Variants in PAQR3 observed in about 807,000 individuals in gnomAD.
The protein encoded by PAQR3 is Raf kinase trapping to Golgi.
A neutral mutation model predicts 41.7 loss-of-function variants in PAQR3; 39 were observed. That is an observed-to-expected ratio of 0.93 (90% CI 0.72 to 1.22). PAQR3 has a LOEUF of 1.22. Ranked by LOEUF, PAQR3 falls within the 50% of genes most tolerant of loss-of-function variation. PAQR3 has a pLI of 0.00. For synonymous variants in PAQR3, 140 were observed against 140.6 expected (o/e 1.00, Z 0.03); for missense variants, 366 against 385.6 (o/e 0.95, Z 0.42).
At chr4:78,922,603 A>T (rs1289507145) in intron 5 of PAQR3, among the ~76,000 whole-genome samples, 1 of 151,944 alleles carries the variant, frequency 6.6e-6, no homozygotes, top group Non-Finnish European at 1.5e-5. Flanking sequence ...TATTTCACTT[A>T]TAAGACCAGG....
chr4:78,919,185 T>G lies in PAQR3; in HGVS notation c.*1354A>C, dbSNP rs1160055100. 2.0e-6 allele frequency: 2 copies of G among 985,006 alleles called. No homozygotes were observed. The highest frequency in any genetic ancestry group is 3.5e-5 in the African/African-American group (2 of 57,190). The allele number at this position is 985,006 out of a possible 1,614,324, so 61.0% of individuals were successfully genotyped here. ...ACAAAAGGCATTTTGGGAATAAGCT[T>G]CATCATCAATTAACATTTTTTCTGA... On this transcript the variant is annotated 3_prime_UTR_variant, in exon 6 of 6. Transcript: ENST00000512733.
At chr4:78,902,533 A>G (rs1196418688) in intron 11 of PAQR3, among the ~76,000 whole-genome samples, 3 of 152,098 alleles carry the variant, frequency 2.0e-5, no homozygotes, top group Non-Finnish European at 2.9e-5. Context: ...TGCCAATTCA[A>G]AGTGAACTTT....
At chr4:78,903,392 TG>T (rs913285228) in intron 11 of PAQR3, among the ~76,000 whole-genome samples, 3 of 152,006 alleles carry the variant, frequency 2.0e-5, no homozygotes, top group Non-Finnish European at 2.9e-5. Context: ...TCTTGAAGTC[TG>T]GTATTGTCTT....
intron 1 of PAQR3, among the ~76,000 whole-genome samples, chr4:78,936,636 C>G (rs959746865): frequency 1.3e-5 from 2 of 152,182 alleles, no homozygotes; most frequent in Non-Finnish European, 2.9e-5. Flanking sequence ...TTATCATGTA[C>G]AAGCATCAAG....
intron 11 of PAQR3, among the ~76,000 whole-genome samples, chr4:78,903,221 C>G (rs978947401): frequency 6.6e-6 from 1 of 151,808 alleles, no homozygotes; most frequent in Non-Finnish European, 1.5e-5. Context: ...TGGGCAAATT[C>G]ATGTTCTTGT....
downstream of PAQR3, chr4:78,910,849 G>T: frequency 6.2e-7 from 1 of 1,613,956 alleles, no homozygotes; most frequent in Non-Finnish European, 8.5e-7. Flanking sequence ...TCTTCAGGGG[G>T]AACAAGGAGA....
chr4:78,920,857 T>C (rs1300929778), intron 5 of PAQR3, among the ~76,000 whole-genome samples, 176 bp from the exon 6 acceptor site: 2 of 151,946 alleles, frequency 1.3e-5, no homozygotes, highest in Non-Finnish European at 2.9e-5. Context: ...TTGGGTCTAA[T>C]TTTAAGGTTT....
chr4:78,916,962 T>TAAC lies in PAQR3; in HGVS notation c.*3574_*3576dup, dbSNP rs1404589639. 6.6e-6 allele frequency: 1 copy of TAAC among 151,726 alleles called. No homozygotes were observed. Among genetic ancestry groups the TAAC allele is most frequent in the East Asian group, 1.9e-4 (1 of 5,160 alleles). 9.4% of individuals were successfully genotyped at this position (151,726 alleles called of 1,614,324 possible). On this transcript the variant is annotated 3_prime_UTR_variant, in exon 6 of 6. Transcript: ENST00000512733. ...TATGAATTAACTTTTTCTGAAGTTG[T>TAAC]AACATTTATCTAAAGTTATGTGAAA...
At chr4:78,904,747 T>TAA (rs1468004385) in intron 11 of PAQR3, among the ~76,000 whole-genome samples, 1 of 151,954 alleles carries the variant, frequency 6.6e-6, no homozygotes, top group African/African-American at 2.4e-5. Flanking sequence ...TCCAAGTTCT[T>TAA]TTGTTAAGTA....
chr4:78,939,288 G>T lies in PAQR3; in HGVS notation c.-64C>A. ...CCCAGGTCCCGCCTCCCCGGGGAGG[G>T]GGCTTCGCCGCTGGCGCCCCCGCCC... On this transcript the variant is annotated 5_prime_UTR_variant, in exon 1 of 6. Coordinates refer to ENST00000512733, the MANE Select transcript of PAQR3 (RefSeq NM_001040202.2). 15 of 1,462,106 alleles carry T rather than the reference G, an allele frequency of 1.0e-5. No individual in the cohort carries two copies. Among genetic ancestry groups the T allele is most frequent in the Non-Finnish European group, 1.4e-5 (15 of 1,100,968 alleles). 90.6% of individuals were successfully genotyped at this position (1,462,106 alleles called of 1,614,324 possible). A position where few individuals can be genotyped will look rare whatever the true frequency, so the allele number is the denominator to read the frequency against.
At chr4:78,901,807 G>C (rs1192481018) in intron 11 of PAQR3, among the ~76,000 whole-genome samples, 1 of 152,150 alleles carries the variant, frequency 6.6e-6, no homozygotes, top group Non-Finnish European at 1.5e-5. Flanking sequence ...AAGAGTTTTA[G>C]TGACATGTAG....
In PAQR3 at chr4:78,922,262, A is replaced by G. The variant is rs1735730485; in HGVS notation, c.794-1581T>C. The G allele has an allele frequency of 8.9e-6, 11 of 1,239,968 alleles. No homozygotes were observed. The South Asian group carries it at 1.5e-4, about 17-fold the overall frequency. The allele number at this position is 1,239,968 out of a possible 1,614,324, so 76.8% of individuals were successfully genotyped here. A position where few individuals can be genotyped will look rare whatever the true frequency, so the allele number is the denominator to read the frequency against. The stretch of plus-strand genomic sequence containing the variant: ...AACGCAGGTTTTCCCTTGTATTTCC[A>G]TTCTTATTTAAAGCTCAGTGGTGAA... On this transcript the variant is annotated intron_variant, in intron 5 of 5. Coordinates refer to ENST00000512733, the MANE Select transcript of PAQR3 (RefSeq NM_001040202.2).
At chr4:78,935,742 T>C (rs556847093) in intron 1 of PAQR3, among the ~76,000 whole-genome samples, 1 of 152,234 alleles carries the variant, frequency 6.6e-6, no homozygotes. Context: ...ACCTGCTCAG[T>C]GCAAGGTTAG....
intron 1 of PAQR3, among the ~76,000 whole-genome samples, chr4:78,937,241 G>T (rs1737527087): frequency 6.6e-6 from 1 of 152,184 alleles, no homozygotes; most frequent in Admixed American, 6.5e-5. Flanking sequence ...ATTACCAGAT[G>T]GAGGTTGTTA....
intron 11 of PAQR3, among the ~76,000 whole-genome samples, chr4:78,890,008 G>T (rs183296966): frequency 3.3e-5 from 5 of 152,000 alleles, no homozygotes; most frequent in Non-Finnish European, 7.4e-5. Context: ...TATTTTGAAA[G>T]AAAAAGTTTC....
rs1380863844 is a variant in PAQR3 at position 78,912,664 on chromosome 4, T to C, written c.*7875A>G. ...AATGGAATATCTAATGATAAGCATA[T>C]GAAATAATGTGTAATTAGCTCAATT... On this transcript the variant is annotated 3_prime_UTR_variant, in exon 6 of 6. Transcript: ENST00000512733. 1 of 152,176 alleles carries C rather than the reference T, an allele frequency of 6.6e-6. No homozygotes were observed. Among genetic ancestry groups the C allele is most frequent in the African/African-American group, 2.4e-5 (1 of 41,458 alleles). 9.4% of individuals were successfully genotyped at this position (152,176 alleles called of 1,614,324 possible).
downstream of PAQR3, among the ~76,000 whole-genome samples, chr4:78,909,829 C>A (rs1020237472): frequency 6.6e-6 from 1 of 152,196 alleles, no homozygotes; most frequent in Non-Finnish European, 1.5e-5. Context: ...GTTTCTTTTA[C>A]TCACCAATGT....
At chr4:78,935,719 T>C (rs894203497) in intron 1 of PAQR3, among the ~76,000 whole-genome samples, 2 of 152,180 alleles carry the variant, frequency 1.3e-5, no homozygotes, top group Non-Finnish European at 2.9e-5. Flanking sequence ...CTATCAATAA[T>C]ACGTATCTGA....
At chr4:78,894,408 CT>C (rs1369053227) in intron 11 of PAQR3, among the ~76,000 whole-genome samples, 1 of 152,198 alleles carries the variant, frequency 6.6e-6, no homozygotes, top group Non-Finnish European at 1.5e-5. Flanking sequence ...ACTTGTTACA[CT>C]TCCTGCGTTA....
Sources: allele counts gnomAD v4.1 joint callset (sites outside exome capture counted in the v4.1 genomes callset), GRCh38; gene constraint gnomAD v4.1.1; transcripts MANE v1.5; gene names NCBI Gene and HGNC (gene_info 2026-07-23, HGNC 2026-07-21).